Variants in BNIPL observed in about 807,000 individuals in gnomAD.
BNIPL encodes bcl-2/adenovirus E1B 19 kDa-interacting protein 2-like protein.
BNIPL carries 33 observed loss-of-function variants against 47.0 expected under a neutral mutation model. The ratio of observed to expected loss-of-function variants is 0.70; its 90% confidence interval spans 0.53 to 0.94. The LOEUF is 0.94. BNIPL is among the 40% of genes least tolerant of loss of function. BNIPL has a pLI of 0.00. For missense variants in BNIPL, 404 were observed against 445.2 expected (o/e 0.91, Z 0.83); for synonymous variants, 145 against 162.7 (o/e 0.89, Z 0.83).
At chr1:151,043,218 C>T in intron 5 of BNIPL, 80 bp downstream of exon 5, 1 of 1,537,744 alleles carries the variant, frequency 6.5e-7, no homozygotes, top group East Asian at 2.2e-5. Context: ...GTCATTGGAT[C>T]CAAAATCTAT....
At chr1:151,044,890 G>A in intron 7 of BNIPL, 1 of 1,288,586 alleles carries the variant, frequency 7.8e-7, no homozygotes, top group Non-Finnish European at 1.0e-6. Flanking sequence ...AGTTTTATAA[G>A]TAATCTTGGT....
At chr1:151,045,555 T>C (rs1482015903) in intron 7 of BNIPL, 25 of 408,040 alleles carry the variant, frequency 6.1e-5, no homozygotes, top group Non-Finnish European at 8.9e-5. Flanking sequence ...TGAGACTCCG[T>C]CTCAAAAAAA....
Position 151,037,642 on chromosome 1 carries a change from G to T in BNIPL, c.117G>T (p.Trp39Cys), listed in dbSNP as rs370687280. ...RHGELELKEE[W>C]QDEEFPRLLP... ...GGGAGTTGGAGCTGAAGGAGGAATG[G>T]CAGGATGAAGAATTCCCTAGGTGAG... is the stretch of plus-strand genomic sequence containing the variant. The change falls in exon 2 of 10, where the codon TGG becomes TGT. Residue 39 changes from tryptophan (W) to cysteine (C), a missense_variant. Coordinates refer to ENST00000368931, the MANE Select transcript of BNIPL (RefSeq NM_138278.4). The T allele has an allele frequency of 6.2e-7, 1 of 1,601,562 alleles. No individual in the cohort carries two copies. The highest frequency in any genetic ancestry group is 8.5e-7 in the Non-Finnish European group (1 of 1,173,762).
Position 151,046,724 on chromosome 1 carries a change from G to T in BNIPL, c.*37G>T, listed in dbSNP as rs753188920. 2.0e-6 allele frequency: 3 copies of T among 1,519,294 alleles called. No individual in the cohort carries two copies. The highest frequency in any genetic ancestry group is 2.7e-6 in the Non-Finnish European group (3 of 1,097,370). 94.1% of individuals were successfully genotyped at this position (1,519,294 alleles called of 1,614,324 possible). On this transcript the variant is annotated 3_prime_UTR_variant, in exon 10 of 10. Transcript: ENST00000368931. ...ATAAAAGGCCTTAGAACCAGTTAGT[G>T]ATCTGCCTACACCTGAATCCCTGAA...
At chr1:151,039,615 G>A (rs976246893) in intron 4 of BNIPL, among the ~76,000 whole-genome samples, 3 of 152,138 alleles carry the variant, frequency 2.0e-5, no homozygotes, top group African/African-American at 7.2e-5. Flanking sequence ...AATATGAAGG[G>A]CCGGGAGGTG....
intron 6 of BNIPL, 28 bp from the exon 7 acceptor site, chr1:151,043,566 CAT>C: frequency 6.2e-7 from 1 of 1,600,786 alleles, no homozygotes; most frequent in African/African-American, 1.3e-5. Context: ...GCCCCTAACA[CAT>C]ACCTTCCCTG....
At chr1:151,041,068 C>T (rs1394620929) in intron 4 of BNIPL, among the ~76,000 whole-genome samples, 1 of 151,762 alleles carries the variant, frequency 6.6e-6, no homozygotes, top group Non-Finnish European at 1.5e-5. Flanking sequence ...ACCTGTAGTC[C>T]CAGCTACTTG....
At position 151,047,681 on chromosome 1, in the gene BNIPL, G is replaced by C. The variant is rs891085687; in HGVS notation, c.*994G>C. ...TTCTTGCCGCAGAGGTTCCTTAGGA[G>C]CACCCCGCGCGGCCCGCGCGAGCGC... is the stretch of plus-strand genomic sequence containing the variant. On this transcript the variant is annotated 3_prime_UTR_variant, in exon 10 of 10. Coordinates refer to ENST00000368931, the MANE Select transcript of BNIPL (RefSeq NM_138278.4). The C allele has an allele frequency of 3.4e-6, 4 of 1,172,436 alleles. No individual in the cohort carries two copies. The African/African-American group carries it at 4.7e-5, about 14-fold the overall frequency. 72.6% of individuals were successfully genotyped at this position (1,172,436 alleles called of 1,614,324 possible).
intron 4 of BNIPL, 74 bp downstream of exon 4, chr1:151,039,100 G>T: frequency 7.0e-7 from 1 of 1,425,494 alleles, no homozygotes; most frequent in Non-Finnish European, 9.2e-7. Context: ...GACTTAATGG[G>T]ACTGCAGTTA....
chr1:151,036,757 CAG>C lies in BNIPL; in HGVS notation c.34_35del (p.Asp12CysfsTer30). On this transcript the variant is annotated frameshift_variant, in exon 1 of 10. Transcript: ENST00000368931. LOFTEE classifies it high-confidence loss of function. Reference sequence around the variant, plus strand: ...ACTATACAAGAGGCAGGAAAAAAGACAGATGTTGGGTAAGTAAGATCTTGGCT... The same window carrying C: ...ACTATACAAGAGGCAGGAAAAAAGACATGTTGGGTAAGTAAGATCTTGGCT... The C allele has an allele frequency of 2.5e-6, 4 of 1,610,874 alleles. No individual in the cohort carries two copies. Among genetic ancestry groups the C allele is most frequent in the South Asian group, 1.1e-5 (1 of 90,988 alleles).
At chr1:151,045,677 C>G in intron 7 of BNIPL, 120 bp from the exon 8 acceptor site, 1 of 1,523,598 alleles carries the variant, frequency 6.6e-7, no homozygotes, top group Non-Finnish European at 8.8e-7. Context: ...ACCCAAGTAC[C>G]AGATAAATCT....
chr1:151,038,070 A>G, intron 2 of BNIPL, among the ~76,000 whole-genome samples: 1 of 148,788 alleles, frequency 6.7e-6, no homozygotes, highest in African/African-American at 2.5e-5. Flanking sequence ...CTTGAAGGAA[A>G]AAAATGGGAA....
Position 151,038,441 on chromosome 1 carries a change from T to C in BNIPL, c.138-63T>C. The C allele has an allele frequency of 4.1e-6, 5 of 1,228,388 alleles. 1 individual carries two copies. The South Asian group carries it at 4.9e-5, about 12-fold the overall frequency. 76.1% of individuals were successfully genotyped at this position (1,228,388 alleles called of 1,614,324 possible). A position where few individuals can be genotyped will look rare whatever the true frequency, so the allele number is the denominator to read the frequency against. ...ATGGTGGGGAGAGAGAACCTATATA[T>C]TGAGTCCTGGCTTGATGCCTTTGGT... On this transcript the variant is annotated intron_variant, in intron 2 of 9. Transcript: ENST00000368931.
In BNIPL at chr1:151,046,814, A is replaced by G. The variant is rs6657146; in HGVS notation, c.*127A>G. 3.0e-3 allele frequency: 2,358 copies of G among 777,108 alleles called. 56 individuals carry two copies. In the African/African-American group the frequency reaches 0.037, roughly 12 times the overall value. 48.1% of individuals were successfully genotyped at this position (777,108 alleles called of 1,614,324 possible). A position where few individuals can be genotyped will look rare whatever the true frequency, so the allele number is the denominator to read the frequency against. Reference sequence around the variant, plus strand: ...CAGTACCACCGGATCTTCACTTCTCAGTGGGATTTTGTCCTTTGCATGACC... The same window carrying G: ...CAGTACCACCGGATCTTCACTTCTCGGTGGGATTTTGTCCTTTGCATGACC... On this transcript the variant is annotated 3_prime_UTR_variant, in exon 10 of 10. Coordinates refer to ENST00000368931, the MANE Select transcript of BNIPL (RefSeq NM_138278.4).
Position 151,047,689 on chromosome 1 carries a change from C to G in BNIPL, c.*1002C>G. ...GCAGAGGTTCCTTAGGAGCACCCCG[C>G]GCGGCCCGCGCGAGCGCGCCTGCGC... is the stretch of plus-strand genomic sequence containing the variant. On this transcript the variant is annotated 3_prime_UTR_variant, in exon 10 of 10. Transcript: ENST00000368931. The G allele has an allele frequency of 7.9e-7, 1 of 1,263,146 alleles. No individual in the cohort carries two copies. The highest frequency in any genetic ancestry group is 2.8e-4 in the Middle Eastern group (1 of 3,524). The allele number at this position is 1,263,146 out of a possible 1,614,324, so 78.2% of individuals were successfully genotyped here. A position where few individuals can be genotyped will look rare whatever the true frequency, so the allele number is the denominator to read the frequency against.
intron 6 of BNIPL, 67 bp downstream of exon 6, chr1:151,043,501 C>T: frequency 6.4e-7 from 1 of 1,555,832 alleles, no homozygotes; most frequent in Non-Finnish European, 8.9e-7. Context: ...AGAACTCCTT[C>T]AAAGATCAGT....
At chr1:151,037,325 T>A in intron 1 of BNIPL, 1 of 1,194,756 alleles carries the variant, frequency 8.4e-7, no homozygotes, top group Non-Finnish European at 1.0e-6. Context: ...GTGGAGCAAC[T>A]GCTACAGAGG....
chr1:151,037,818 C>T (rs936687941), intron 2 of BNIPL, among the ~76,000 whole-genome samples, 156 bp downstream of exon 2: 1 of 150,050 alleles, frequency 6.7e-6, no homozygotes, highest in African/African-American at 2.5e-5. Context: ...CTGACCAACA[C>T]GGTGAAATCC....
intron 9 of BNIPL, 73 bp downstream of exon 9, chr1:151,046,238 G>T: frequency 6.4e-7 from 1 of 1,569,142 alleles, no homozygotes; most frequent in East Asian, 2.3e-5. Context: ...TTAATGCCTT[G>T]GGGGACATAC....
Sources: allele counts gnomAD v4.1 joint callset (sites outside exome capture counted in the v4.1 genomes callset), GRCh38; gene constraint gnomAD v4.1.1; transcripts MANE v1.5; gene names NCBI Gene and HGNC (gene_info 2026-07-23, HGNC 2026-07-21).